ELAVL2: variants seen among roughly 807,000 people sequenced by gnomAD.
ELAVL2 encodes the protein ELAV-like protein 2.
ELAVL2 carries 4 observed loss-of-function variants against 34.6 expected under a neutral mutation model. The ratio of observed to expected loss-of-function variants is 0.12; its 90% CI spans 0.06 to 0.26. The LOEUF (loss-of-function observed/expected upper bound fraction) is 0.26, where lower values mean the gene tolerates loss of function less well. Among genes scored for constraint, ELAVL2 ranks in the 10% least tolerant of loss-of-function variants. ELAVL2 has a pLI of 1.00. For missense variants in ELAVL2, 432 were observed against 442.8 expected (o/e 0.98, Z 0.22); for synonymous variants, 193 against 154.8 (o/e 1.25, Z -1.83).
chr9:23,795,970 T>A (rs2060871723), intron 1 of ELAVL2, among the ~76,000 whole-genome samples: 1 of 152,228 alleles, frequency 6.6e-6, no homozygotes, highest in African/African-American at 2.4e-5. Context: ...TAAATTACTT[T>A]CTTGATCAAT....
chr9:23,841,589 A>G, the ELAVL2 span, among the ~76,000 whole-genome samples: 1 of 152,180 alleles, frequency 6.6e-6, no homozygotes, highest in African/African-American at 2.4e-5. Flanking sequence ...TGACTCTGCA[A>G]TGTAAATATA....
chr9:23,807,874 A>G (rs1374144914), intron 1 of ELAVL2, among the ~76,000 whole-genome samples: 1 of 152,234 alleles, frequency 6.6e-6, no homozygotes, highest in African/African-American at 2.4e-5. Flanking sequence ...GGTAAAGAGA[A>G]TAAAGGATTT....
At chr9:23,779,967 G>T (rs1357438164) in intron 1 of ELAVL2, among the ~76,000 whole-genome samples, 1 of 70,506 alleles carries the variant, frequency 1.4e-5, no homozygotes, top group African/African-American at 5.8e-5. Context: ...CAGAATCGGT[G>T]ATAGTGTTCC....
chr9:23,728,406 G>T (rs1426162527), intron 3 of ELAVL2, among the ~76,000 whole-genome samples: 2 of 152,092 alleles, frequency 1.3e-5, no homozygotes, highest in African/African-American at 2.4e-5. Context: ...ATGCATGGAC[G>T]CTGGGAGTAA....
chr9:23,787,078 T>C (rs1459334445), intron 1 of ELAVL2, among the ~76,000 whole-genome samples: 2 of 152,150 alleles, frequency 1.3e-5, no homozygotes, highest in Non-Finnish European at 2.9e-5. Context: ...GGGCAACAGA[T>C]ATATATACGG....
intron 1 of ELAVL2, among the ~76,000 whole-genome samples, chr9:23,797,204 C>G (rs2061035665): frequency 6.6e-6 from 1 of 152,166 alleles, no homozygotes; most frequent in African/African-American, 2.4e-5. Flanking sequence ...CCTACTAATT[C>G]TACTTAAGCC....
At chr9:23,732,666 A>G (rs1012151339) in intron 2 of ELAVL2, among the ~76,000 whole-genome samples, 1 of 152,190 alleles carries the variant, frequency 6.6e-6, no homozygotes, top group African/African-American at 2.4e-5. Context: ...GGCTGAATGT[A>G]ACAAAATCTG....
chr9:23,778,887 C>A (rs755584091), intron 1 of ELAVL2, among the ~76,000 whole-genome samples: 4 of 152,142 alleles, frequency 2.6e-5, no homozygotes, highest in Non-Finnish European at 4.4e-5. Context: ...CCTGTTTATA[C>A]TACTATGGAT....
At chr9:23,725,998 T>C (rs1321346413) in intron 3 of ELAVL2, among the ~76,000 whole-genome samples, 1 of 152,026 alleles carries the variant, frequency 6.6e-6, no homozygotes, top group African/African-American at 2.4e-5. Context: ...ATCATTTTAG[T>C]AAGGTAATTT....
intron 1 of ELAVL2, among the ~76,000 whole-genome samples, chr9:23,811,734 G>A (rs1000773744): frequency 1.3e-5 from 2 of 152,078 alleles, no homozygotes; most frequent in African/African-American, 2.4e-5. Flanking sequence ...GAAACACAAC[G>A]TGCCTCAGAT....
chr9:23,754,471 G>A (rs1273331849), intron 2 of ELAVL2, among the ~76,000 whole-genome samples: 2 of 151,122 alleles, frequency 1.3e-5, no homozygotes, highest in Non-Finnish European at 2.9e-5. Context: ...ATTTTTTTGT[G>A]AAATGGAGTC....
chr9:23,786,751 T>C (rs187708667), intron 1 of ELAVL2, among the ~76,000 whole-genome samples: 46 of 133,422 alleles, frequency 3.4e-4, no homozygotes, highest in African/African-American at 1.3e-3. Flanking sequence ...GCAGGAAACC[T>C]GCAGTAGTCT....
At chr9:23,850,113 G>C in the ELAVL2 span, among the ~76,000 whole-genome samples, 1 of 151,582 alleles carries the variant, frequency 6.6e-6, no homozygotes, top group Non-Finnish European at 1.5e-5. Flanking sequence ...CGGGGAGGGG[G>C]TGGGGGTGGA....
intron 1 of ELAVL2, among the ~76,000 whole-genome samples, chr9:23,824,818 A>G (rs1043846098): frequency 2.0e-5 from 3 of 152,242 alleles, no homozygotes; most frequent in South Asian, 2.1e-4. Context: ...CCTGGCGTCA[A>G]TTTAACAATA....
At chr9:23,793,581 A>G (rs932060549) in intron 1 of ELAVL2, among the ~76,000 whole-genome samples, 6 of 152,094 alleles carry the variant, frequency 3.9e-5, no homozygotes, top group Admixed American at 2.6e-4. Flanking sequence ...CCCCTCCCCT[A>G]TCATTCCTCC....
intron 2 of ELAVL2, among the ~76,000 whole-genome samples, chr9:23,760,950 C>G (rs2054839576): frequency 6.6e-6 from 1 of 151,926 alleles, no homozygotes; most frequent in Non-Finnish European, 1.5e-5. Flanking sequence ...ATGAAAAAGT[C>G]AAAAGTGAAC....
chr9:23,729,161 G>C (rs750288317), intron 3 of ELAVL2, among the ~76,000 whole-genome samples: 1 of 152,096 alleles, frequency 6.6e-6, no homozygotes, highest in South Asian at 2.1e-4. Flanking sequence ...CTGGATCTTC[G>C]TGCAGGAGGA....
intron 2 of ELAVL2, among the ~76,000 whole-genome samples, chr9:23,758,418 CTTAAG>C (rs2054097086): frequency 6.6e-6 from 1 of 152,022 alleles, no homozygotes; most frequent in Non-Finnish European, 1.5e-5. Flanking sequence ...GCAGTTTATG[CTTAAG>C]TTAAATGAGT....
chr9:23,808,848 C>G (rs2062596823), intron 1 of ELAVL2, among the ~76,000 whole-genome samples: 1 of 152,078 alleles, frequency 6.6e-6, no homozygotes, highest in Non-Finnish European at 1.5e-5. Context: ...TGAACTATAA[C>G]ACCCAAAACT....
Sources: gnomAD v4.1 joint callset for allele counts (sites outside exome capture counted in the v4.1 genomes callset) on GRCh38, gnomAD v4.1.1 for gene constraint, MANE v1.5 for transcripts, NCBI Gene and HGNC (gene_info 2026-07-23, HGNC 2026-07-21) for gene names.